The following IQCM variants were observed in gnomAD, a reference collection of about 807,000 sequenced individuals.
The protein encoded by IQCM is IQ motif containing M.
IQCM carries 45 observed loss-of-function variants against 57.6 expected under a neutral mutation model. That is an observed-to-expected ratio of 0.78 (90% CI 0.62 to 1.00). The LOEUF (loss-of-function observed/expected upper bound fraction) is 1.00. IQCM is among the 50% of genes least tolerant of loss of function. The pLI, the probability that IQCM is intolerant of heterozygous loss-of-function variation, is 0.00. For missense variants in IQCM, 468 were observed against 511.6 expected (o/e 0.91, Z 0.82); for synonymous variants, 148 against 158.9 (o/e 0.93, Z 0.51).
intron 7 of IQCM, 22 bp from the exon 8 acceptor site, chr4:149,621,266 G>A: frequency 9.0e-7 from 1 of 1,111,730 alleles, no homozygotes; most frequent in Non-Finnish European, 1.1e-6. Flanking sequence ...ATCAATGCAG[G>A]TTAAAACAAT....
intron 7 of IQCM, among the ~76,000 whole-genome samples, chr4:149,675,253 T>C (rs557934807): frequency 2.0e-5 from 3 of 152,024 alleles, no homozygotes; most frequent in African/African-American, 4.8e-5. Flanking sequence ...TACAAATCAA[T>C]AGATTACTAT....
chr4:149,396,375 C>T (rs1732229459), intron 13 of IQCM, among the ~76,000 whole-genome samples: 1 of 150,722 alleles, frequency 6.6e-6, no homozygotes, highest in South Asian at 2.1e-4. Flanking sequence ...ATGTTCTTAC[C>T]ATAATTTTAA....
intron 7 of IQCM, among the ~76,000 whole-genome samples, chr4:149,641,089 T>A (rs1394094972): frequency 6.6e-6 from 1 of 152,196 alleles, no homozygotes; most frequent in East Asian, 1.9e-4. Context: ...ATCATGCCAC[T>A]GCACTCCAGC....
chr4:149,579,929 A>G lies in IQCM; in HGVS notation c.749+8001T>C, dbSNP rs572135865. On this transcript the variant is annotated intron_variant, in intron 9 of 13. Coordinates refer to ENST00000636793, the MANE Select transcript of IQCM (RefSeq NM_001363507.2). Reference sequence around the variant, plus strand: ...AGTCATAGCAGAAAGCAACTAAGTCATCTTAGGAATTGACAGAGCCAGGAA... The same window carrying G: ...AGTCATAGCAGAAAGCAACTAAGTCGTCTTAGGAATTGACAGAGCCAGGAA... Among the ~76,000 whole-genome samples, 12 of 151,960 alleles carry G rather than the reference A, an allele frequency of 7.9e-5. No homozygotes were observed. In the East Asian group the frequency reaches 2.3e-3, roughly 30 times the overall value.
chr4:149,392,056 C>A (rs1382296100), intron 13 of IQCM, among the ~76,000 whole-genome samples: 1 of 150,504 alleles, frequency 6.6e-6, no homozygotes, highest in Non-Finnish European at 1.5e-5. Context: ...CTACCCACTA[C>A]TGAAAGTGGG....
At chr4:149,683,100 AT>A (rs1336291868) in intron 6 of IQCM, among the ~76,000 whole-genome samples, 24 of 151,336 alleles carry the variant, frequency 1.6e-4, no homozygotes, top group African/African-American at 5.5e-4. Context: ...ATTTTGACCC[AT>A]TACATAGATT....
At chr4:149,515,949 G>A (rs1744915141) in intron 12 of IQCM, among the ~76,000 whole-genome samples, 1 of 152,136 alleles carries the variant, frequency 6.6e-6, no homozygotes, top group Non-Finnish European at 1.5e-5. Context: ...TAATCAAGTG[G>A]TTAGGTTGAC....
At chr4:149,795,819 C>G (rs1374174485) in intron 2 of IQCM, among the ~76,000 whole-genome samples, 1 of 152,156 alleles carries the variant, frequency 6.6e-6, no homozygotes. Context: ...TAGAAACACC[C>G]TGGGCCAGAA....
intron 8 of IQCM, among the ~76,000 whole-genome samples, chr4:149,609,511 C>A (rs574590710): frequency 4.6e-5 from 7 of 151,856 alleles, no homozygotes; most frequent in Admixed American, 4.6e-4. Flanking sequence ...AAACAAAATT[C>A]AATAATACAT....
At chr4:149,595,300 T>C (rs1272436897) in intron 8 of IQCM, among the ~76,000 whole-genome samples, 1 of 152,146 alleles carries the variant, frequency 6.6e-6, no homozygotes, top group Non-Finnish European at 1.5e-5. Context: ...TTGTTTTCCA[T>C]TTGCTTGGTA....
chr4:149,580,063 A>G (rs893420605), intron 9 of IQCM, among the ~76,000 whole-genome samples: 1 of 151,822 alleles, frequency 6.6e-6, no homozygotes, highest in African/African-American at 2.4e-5. Context: ...GCAGTATTTC[A>G]GGCCATTTCG....
intron 2 of IQCM, among the ~76,000 whole-genome samples, chr4:149,813,243 T>A (rs1774751251): frequency 6.6e-6 from 1 of 152,118 alleles, no homozygotes; most frequent in Non-Finnish European, 1.5e-5. Context: ...TTCAGATCTA[T>A]CGTCTGAAAG....
chr4:149,464,947 T>A (rs1386961246), intron 12 of IQCM, among the ~76,000 whole-genome samples: 2 of 152,150 alleles, frequency 1.3e-5, no homozygotes, highest in Non-Finnish European at 2.9e-5. Context: ...TAAATAGGAA[T>A]AGTTATGAAG....
intron 2 of IQCM, among the ~76,000 whole-genome samples, chr4:149,764,012 A>C (rs1172519487): frequency 1.3e-5 from 2 of 152,108 alleles, no homozygotes; most frequent in East Asian, 3.9e-4. Flanking sequence ...TCCTCAAATT[A>C]CCTTGTGAAC....
At chr4:149,543,902 T>C (rs919266534) in intron 12 of IQCM, among the ~76,000 whole-genome samples, 2 of 152,110 alleles carry the variant, frequency 1.3e-5, no homozygotes, top group South Asian at 4.1e-4. Flanking sequence ...CTTCTACAAA[T>C]AGGTGAACAA....
intron 13 of IQCM, among the ~76,000 whole-genome samples, chr4:149,399,137 G>C (rs748861217): frequency 1.3e-5 from 2 of 152,006 alleles, no homozygotes; most frequent in Non-Finnish European, 1.5e-5. Context: ...TCATACTTAT[G>C]AATAGAGTAA....
chr4:149,678,402 T>C (rs1184127072), intron 7 of IQCM, among the ~76,000 whole-genome samples: 2 of 151,998 alleles, frequency 1.3e-5, no homozygotes, highest in African/African-American at 4.8e-5. Flanking sequence ...ACAGAAAATC[T>C]ATTGCCAGCT....
chr4:149,550,630 G>A (rs1003199987), intron 11 of IQCM, among the ~76,000 whole-genome samples: 2 of 152,108 alleles, frequency 1.3e-5, no homozygotes, highest in African/African-American at 4.8e-5. Context: ...ATTCAAGGAT[G>A]ATATATTTAG....
At chr4:149,798,492 C>T (rs574161617) in intron 2 of IQCM, among the ~76,000 whole-genome samples, 79 of 152,042 alleles carry the variant, frequency 5.2e-4, no homozygotes, top group African/African-American at 1.7e-3. Context: ...TAAGTCCTTA[C>T]TTGTCAATAA....
Sources: gnomAD v4.1 joint callset for allele counts (sites outside exome capture counted in the v4.1 genomes callset) on GRCh38, gnomAD v4.1.1 for gene constraint, MANE v1.5 for transcripts, NCBI Gene and HGNC (gene_info 2026-07-23, HGNC 2026-07-21) for gene names.